ARHGAP24: variants seen among roughly 807,000 people sequenced by gnomAD.
The protein encoded by ARHGAP24 is rho GTPase-activating protein 24.
ARHGAP24 carries 50 observed loss-of-function variants against 76.4 expected under a neutral mutation model. That is an observed-to-expected ratio of 0.65 (90% CI 0.52 to 0.83). The LOEUF is 0.83. Ranked by LOEUF, ARHGAP24 falls within the 40% of genes least tolerant of loss-of-function variation. The pLI, the probability that ARHGAP24 is intolerant of heterozygous loss-of-function variation, is 0.00. For synonymous variants in ARHGAP24, 345 were observed against 323.3 expected (o/e 1.07, Z -0.72); for missense variants, 930 against 914.2 (o/e 1.02, Z -0.22).
intron 2 of ARHGAP24, among the ~76,000 whole-genome samples, chr4:85,578,216 A>G (rs187311517): frequency 6.6e-6 from 1 of 152,336 alleles, no homozygotes; most frequent in East Asian, 1.9e-4. Context: ...GTCCCTGGAA[A>G]AATTATGAAA....
At chr4:85,644,627 A>T (rs779743781) in intron 2 of ARHGAP24, among the ~76,000 whole-genome samples, 1 of 152,170 alleles carries the variant, frequency 6.6e-6, no homozygotes, top group African/African-American at 2.4e-5. Context: ...AATAATTGTT[A>T]AGATTACAAG....
At chr4:85,591,903 C>T (rs1052995468) in intron 2 of ARHGAP24, among the ~76,000 whole-genome samples, 1 of 152,086 alleles carries the variant, frequency 6.6e-6, no homozygotes, top group African/African-American at 2.4e-5. Context: ...TATTACCATA[C>T]CACAGCCAAC....
chr4:85,637,446 G>A (rs1028425547), intron 2 of ARHGAP24, among the ~76,000 whole-genome samples: 7 of 151,902 alleles, frequency 4.6e-5, no homozygotes, highest in African/African-American at 1.7e-4. Context: ...ACTGATTTTC[G>A]AACATATATT....
chr4:85,890,282 C>T (rs1330500851), intron 3 of ARHGAP24, among the ~76,000 whole-genome samples: 1 of 152,192 alleles, frequency 6.6e-6, no homozygotes, highest in African/African-American at 2.4e-5. Context: ...TCTGTTCACT[C>T]TTCTCTTTAT....
chr4:85,557,638 C>T (rs924524640), intron 1 of ARHGAP24, among the ~76,000 whole-genome samples: 5 of 142,640 alleles, frequency 3.5e-5, no homozygotes, highest in African/African-American at 5.1e-5. Flanking sequence ...CTGGATGTTC[C>T]GGTTGAAGAG....
At chr4:85,644,714 C>T (rs931062147) in intron 2 of ARHGAP24, among the ~76,000 whole-genome samples, 14 of 152,068 alleles carry the variant, frequency 9.2e-5, no homozygotes, top group South Asian at 2.1e-4. Context: ...GAACAGTGTA[C>T]GCTTTTAAAT....
intron 5 of ARHGAP24, among the ~76,000 whole-genome samples, chr4:85,952,887 GAAATGAAAAC>G (rs2148833966): frequency 6.6e-6 from 1 of 152,224 alleles, no homozygotes; most frequent in Non-Finnish European, 1.5e-5. Flanking sequence ...TTTCTATTTA[GAAATGAAAAC>G]AAATTAAAAC....
At chr4:85,759,024 T>C (rs957636610) in intron 3 of ARHGAP24, among the ~76,000 whole-genome samples, 3 of 152,146 alleles carry the variant, frequency 2.0e-5, no homozygotes, top group Admixed American at 2.0e-4. Flanking sequence ...CAGCTTACAA[T>C]TAACAGAAAA....
intron 1 of ARHGAP24, among the ~76,000 whole-genome samples, chr4:85,526,804 A>G (rs759690976): frequency 1.3e-5 from 2 of 152,198 alleles, no homozygotes; most frequent in African/African-American, 2.4e-5. Context: ...TACAAACATA[A>G]GGAAAAAATT....
At chr4:85,827,307 A>G (rs1729762369) in intron 3 of ARHGAP24, among the ~76,000 whole-genome samples, 1 of 152,116 alleles carries the variant, frequency 6.6e-6, no homozygotes, top group Non-Finnish European at 1.5e-5. Context: ...GCCAGAAATC[A>G]TTTTGCTCTT....
At chr4:85,908,143 A>G (rs1734873157) in intron 3 of ARHGAP24, among the ~76,000 whole-genome samples, 4 of 152,178 alleles carry the variant, frequency 2.6e-5, no homozygotes, top group Admixed American at 2.6e-4. Flanking sequence ...CTTTGGGACT[A>G]TTTGTCAAAA....
At chr4:85,896,727 C>T (rs184619917) in intron 3 of ARHGAP24, among the ~76,000 whole-genome samples, 46 of 152,254 alleles carry the variant, frequency 3.0e-4, no homozygotes, top group Non-Finnish European at 5.7e-4. Context: ...CTCTCAGCCC[C>T]CAATATTGCA....
intron 8 of ARHGAP24, chr4:85,991,855 A>G (rs1020381269): frequency 9.8e-6 from 3 of 305,002 alleles, no homozygotes; most frequent in Non-Finnish European, 1.8e-5. Context: ...ATTCATTGCA[A>G]AAAATACAAA....
At chr4:85,678,777 C>G (rs1226255637) in intron 2 of ARHGAP24, among the ~76,000 whole-genome samples, 3 of 152,136 alleles carry the variant, frequency 2.0e-5, no homozygotes, top group African/African-American at 7.2e-5. Context: ...AAGTCTTAGT[C>G]ATTTTCAGAT....
intron 2 of ARHGAP24, among the ~76,000 whole-genome samples, chr4:85,687,063 A>G (rs995155035): frequency 2.6e-5 from 4 of 152,092 alleles, no homozygotes; most frequent in Non-Finnish European, 5.9e-5. Context: ...AAAATTGCTA[A>G]TTAGAGATTC....
chr4:85,914,454 G>A (rs1264501494), intron 3 of ARHGAP24, among the ~76,000 whole-genome samples: 2 of 152,102 alleles, frequency 1.3e-5, no homozygotes, highest in Non-Finnish European at 2.9e-5. Context: ...AAGTTTCCGG[G>A]TGCTGCCGAG....
intron 3 of ARHGAP24, among the ~76,000 whole-genome samples, chr4:85,790,955 T>G (rs1266295824): frequency 6.6e-6 from 1 of 152,188 alleles, no homozygotes; most frequent in East Asian, 1.9e-4. Flanking sequence ...TGGAAAAAAT[T>G]AAAACCTTGT....
chr4:85,571,207 C>G (rs770347652), intron 2 of ARHGAP24, among the ~76,000 whole-genome samples: 2 of 152,222 alleles, frequency 1.3e-5, no homozygotes, highest in Non-Finnish European at 2.9e-5. Flanking sequence ...CCAAATGACA[C>G]TGATACATTC....
chr4:85,969,359 CATT>C (rs1365357549), intron 5 of ARHGAP24, among the ~76,000 whole-genome samples: 3 of 151,950 alleles, frequency 2.0e-5, no homozygotes, highest in Admixed American at 1.3e-4. Context: ...TCTTGTTTAT[CATT>C]ATTGTCTCAT....
Sources: allele counts gnomAD v4.1 joint callset (sites outside exome capture counted in the v4.1 genomes callset), GRCh38; gene constraint gnomAD v4.1.1; transcripts MANE v1.5; gene names NCBI Gene and HGNC (gene_info 2026-07-23, HGNC 2026-07-21).